The following ATR variants were observed in gnomAD, a reference collection of about 807,000 sequenced individuals.
ATR encodes the protein serine/threonine-protein kinase ATR.
In ATR, 142 loss-of-function variants were observed where a neutral mutation model predicts 305.3. That is an observed-to-expected ratio of 0.47 (90% CI 0.41 to 0.53). ATR has a LOEUF of 0.53. Ranked by LOEUF, ATR falls within the 20% of genes least tolerant of loss-of-function variation. The pLI, the probability that ATR is intolerant of heterozygous loss-of-function variation, is 0.00. For missense variants in ATR, 2,135 were observed against 3,133.1 expected (o/e 0.68, Z 7.60); for synonymous variants, 1,050 against 1,068.1 (o/e 0.98, Z 0.33).
intron 46 of ATR, chr3:142,452,642 C>T: frequency 5.2e-6 from 5 of 970,522 alleles, no homozygotes; most frequent in Non-Finnish European, 6.2e-6. Flanking sequence ...CCACTGTACT[C>T]CAGCCTGGAT....
At chr3:142,499,798 CTATTT>C in intron 30 of ATR, 80 bp from the exon 31 acceptor site, 1 of 1,113,878 alleles carries the variant, frequency 9.0e-7, no homozygotes, top group Non-Finnish European at 1.3e-6. Flanking sequence ...TTTACATACT[CTATTT>C]ATTATATTTA....
Position 142,555,866 on chromosome 3 carries a change from T to A in ATR, c.2341+11A>T. 3 of 1,606,210 alleles carry A rather than the reference T, an allele frequency of 1.9e-6. No individual in the cohort carries two copies. On this transcript the variant is annotated intron_variant, in intron 10 of 46. Coordinates refer to ENST00000350721, the MANE Select transcript of ATR (RefSeq NM_001184.4). ...AGGTTTTAAAGTATTAAATAAGTCA[T>A]AATCACTCACCAAGTTTTACTGGAC... is the stretch of plus-strand genomic sequence containing the variant.
chr3:142,566,338 G>A (rs1210541741), intron 2 of ATR, 77 bp from the exon 3 acceptor site: 3 of 1,520,040 alleles, frequency 2.0e-6, no homozygotes, highest in Non-Finnish European at 2.7e-6. Context: ...CAGACTGTGG[G>A]CCAGGCAAGG....
chr3:142,485,084 A>T (rs996154100), intron 36 of ATR, 56 bp downstream of exon 36: 1 of 1,601,384 alleles, frequency 6.2e-7, no homozygotes, highest in Non-Finnish European at 8.6e-7. Context: ...AACAGTTTCA[A>T]TATTAATAGT....
At chr3:142,578,458 GC>G (rs954658319) in intron 1 of ATR, among the ~76,000 whole-genome samples, 187 bp downstream of exon 1, 1 of 152,218 alleles carries the variant, frequency 6.6e-6, no homozygotes, top group Non-Finnish European at 1.5e-5. Flanking sequence ...TGTGGCGACT[GC>G]CCCATGTGCT....
In ATR at chr3:142,541,158, GATTGAATA is replaced by G. The variant is rs2034036942; in HGVS notation, c.3451-132_3451-125del. 2.4e-6 allele frequency: 3 copies of G among 1,260,500 alleles called. No individual in the cohort carries two copies. In the Admixed American group the frequency reaches 5.8e-5, roughly 24 times the overall value. The allele number at this position is 1,260,500 out of a possible 1,614,324, so 78.1% of individuals were successfully genotyped here. ...TCATCTATTCTCAGATAATACAAAA[GATTGAATA>G]AATGTTGGCCAGTTTGTTTTGTCCA... is the stretch of plus-strand genomic sequence containing the variant. On this transcript the variant is annotated intron_variant, in intron 17 of 46. Coordinates refer to ENST00000350721, the MANE Select transcript of ATR (RefSeq NM_001184.4).
rs760823609 is a variant in ATR, at chr3:142,454,437, CTTT to C, written c.7656-1207_7656-1205del. 6.4e-3 allele frequency among the ~76,000 whole-genome samples: 650 copies of C among 101,452 alleles called. 3 individuals are homozygous for C. Among genetic ancestry groups the C allele is most frequent in the African/African-American group, 0.029 (591 of 20,102 alleles). 66.6% of individuals were successfully genotyped at this position (101,452 alleles called of 152,430 possible). On this transcript the variant is annotated intron_variant, in intron 45 of 46. Coordinates refer to ENST00000350721, the MANE Select transcript of ATR (RefSeq NM_001184.4). ...TTCTACCATAATGTCTGATAGACAGCTTTTTTTTTTTTTTTTTTTTTTTGAGAC... is the reference window on the plus strand; with the variant it reads ...TTCTACCATAATGTCTGATAGACAGCTTTTTTTTTTTTTTTTTTTTGAGAC...
In ATR at chr3:142,449,291, A is replaced by T; in HGVS notation, c.*138T>A. On this transcript the variant is annotated 3_prime_UTR_variant, in exon 47 of 47. Coordinates refer to ENST00000350721, the MANE Select transcript of ATR (RefSeq NM_001184.4). ...CTGAATGTATATTATTTTACATATA[A>T]TTAATGATCAGAGAGAAATAACAGT... is the stretch of plus-strand genomic sequence containing the variant. 1.3e-6 allele frequency: 1 copy of T among 748,346 alleles called. No individual in the cohort carries two copies. The allele number at this position is 748,346 out of a possible 1,614,324, so 46.4% of individuals were successfully genotyped here.
At chr3:142,556,708 C>T (rs2034687343) in intron 8 of ATR, 133 bp from the exon 9 acceptor site, 6 of 826,134 alleles carry the variant, frequency 7.3e-6, no homozygotes, top group South Asian at 2.1e-5. Context: ...ACTTAAAATA[C>T]ATTTAATACC....
chr3:142,459,804 G>A (rs1205074258), intron 42 of ATR, among the ~76,000 whole-genome samples: 4 of 151,852 alleles, frequency 2.6e-5, no homozygotes, highest in Non-Finnish European at 4.4e-5. Context: ...AGATAAGGAG[G>A]GACCACCGTA....
chr3:142,468,100 A>AAG lies in ATR; in HGVS notation c.6553-34_6553-33dup, dbSNP rs753642954. On this transcript the variant is annotated intron_variant, in intron 38 of 46. Transcript: ENST00000350721. The stretch of plus-strand genomic sequence containing the variant: ...TAAAAAAGAGTTAAATGTCATAAAA[A>AAG]AGAGTTTATACAGGATTTTTAAAAG... 3.5e-5 allele frequency: 57 copies of AAG among 1,607,920 alleles called. No individual in the cohort carries two copies. The Admixed American group carries it at 9.4e-4, about 26-fold the overall frequency.
In ATR at chr3:142,558,557, A is replaced by AATAGATAGATAG. The variant is rs780538224; in HGVS notation, c.1885+55_1885+66dup. The AATAGATAGATAG allele has an allele frequency of 1.8e-4, 114 of 620,196 alleles. 1 individual carries two copies. In the South Asian group the frequency reaches 2.1e-3, roughly 11 times the overall value. 38.4% of individuals were successfully genotyped at this position (620,196 alleles called of 1,614,324 possible). A position where few individuals can be genotyped will look rare whatever the true frequency, so the allele number is the denominator to read the frequency against. On this transcript the variant is annotated intron_variant, in intron 8 of 46. Coordinates refer to ENST00000350721, the MANE Select transcript of ATR (RefSeq NM_001184.4). ...AAATAAATAAATAAATAAATAAATA[A>AATAGATAGATAG]ATAGATAGATAGATAGATAGATAGA...
chr3:142,469,370 T>C lies in ATR; in HGVS notation c.6519A>G (p.Gln2173=), dbSNP rs2071204774. The change falls in exon 38 of 47, where the codon CAA becomes CAG. Residue 2173 remains glutamine (Q), a synonymous_variant. Coordinates refer to ENST00000350721, the MANE Select transcript of ATR (RefSeq NM_001184.4). ...IIAKVFLAYP[Q]QAMWMMTAVS... is the part of the protein sequence containing the mutation. ...CAGCTGTCATCATCCACATTGCTTG[T>C]TGAGGATAGGCTAGAAATACTTTGG... 1.2e-6 allele frequency: 2 copies of C among 1,613,762 alleles called. No homozygotes were observed. Among genetic ancestry groups the C allele is most frequent in the African/African-American group, 1.3e-5 (1 of 74,874 alleles).
At chr3:142,467,095 GT>G (rs2071147861) in intron 39 of ATR, among the ~76,000 whole-genome samples, 1 of 152,078 alleles carries the variant, frequency 6.6e-6, no homozygotes, top group East Asian at 1.9e-4. Flanking sequence ...CTTTTGAGAT[GT>G]TTATTGATAA....
At chr3:142,528,459 T>C (rs1454400333) in intron 21 of ATR, among the ~76,000 whole-genome samples, 1 of 152,144 alleles carries the variant, frequency 6.6e-6, no homozygotes, top group African/African-American at 2.4e-5. Context: ...ATTTTGGTCA[T>C]ATTTAATGCT....
intron 13 of ATR, among the ~76,000 whole-genome samples, chr3:142,552,441 G>T (rs1316803990): frequency 6.6e-6 from 1 of 152,104 alleles, no homozygotes; most frequent in East Asian, 1.9e-4. Context: ...AGGCTGAGAC[G>T]GGTGGATTGC....
At chr3:142,496,311 T>TACATATATATATAC (rs775145621) in intron 34 of ATR, 50 bp downstream of exon 34, 1 of 176,618 alleles carries the variant, frequency 5.7e-6, no homozygotes, top group African/African-American at 4.6e-5. Flanking sequence ...TATATATATA[T>TACATATATATATAC]ATATATATAT....
intron 46 of ATR, chr3:142,451,134 T>C (rs2070780788): frequency 4.0e-6 from 5 of 1,246,062 alleles, no homozygotes; most frequent in South Asian, 1.5e-5. Flanking sequence ...AATTCCCTCC[T>C]AGAGGAGAAT....
intron 24 of ATR, among the ~76,000 whole-genome samples, chr3:142,517,361 A>C (rs1321445519): frequency 6.6e-6 from 1 of 151,940 alleles, no homozygotes; most frequent in Non-Finnish European, 1.5e-5. Flanking sequence ...AAAAAAAAAA[A>C]AAACATAAAG....
Sources: allele counts gnomAD v4.1 joint callset (sites outside exome capture counted in the v4.1 genomes callset), GRCh38; gene constraint gnomAD v4.1.1; transcripts MANE v1.5; gene names NCBI Gene and HGNC (gene_info 2026-07-23, HGNC 2026-07-21).